The following PTPRD variants were observed in gnomAD, a reference collection of about 807,000 sequenced individuals.
PTPRD encodes receptor-type tyrosine-protein phosphatase delta.
PTPRD carries 34 observed loss-of-function variants against 214.5 expected under a neutral mutation model. That is an observed-to-expected ratio of 0.16 (90% CI 0.12 to 0.21). The LOEUF is 0.21. PTPRD is among the 10% of genes least tolerant of loss of function. The pLI is 1.00. For missense variants in PTPRD, 2,545 were observed against 2,398.7 expected (o/e 1.06, Z -1.27); for synonymous variants, 1,128 against 845.7 (o/e 1.33, Z -5.79).
At chr9:8,980,661 A>G (rs1309809073) in intron 11 of PTPRD, among the ~76,000 whole-genome samples, 2 of 152,108 alleles carry the variant, frequency 1.3e-5, no homozygotes, top group Non-Finnish European at 2.9e-5. Context: ...TCCATTAGAG[A>G]AATGACTCTG....
At chr9:8,820,210 GC>G (rs2097022643) in intron 11 of PTPRD, among the ~76,000 whole-genome samples, 1 of 151,986 alleles carries the variant, frequency 6.6e-6, no homozygotes, top group Non-Finnish European at 1.5e-5. Context: ...TAATACAGGT[GC>G]AATTCTGATG....
At chr9:9,413,176 G>A (rs945441183) in intron 8 of PTPRD, among the ~76,000 whole-genome samples, 2 of 132,154 alleles carry the variant, frequency 1.5e-5, no homozygotes, top group Non-Finnish European at 3.1e-5. Context: ...CTGCAGTGGC[G>A]CAATCTCGGC....
intron 6 of PTPRD, among the ~76,000 whole-genome samples, chr9:9,750,103 A>G (rs1186152944): frequency 6.6e-6 from 1 of 152,162 alleles, no homozygotes; most frequent in Non-Finnish European, 1.5e-5. Flanking sequence ...ACATTACACA[A>G]TTACTAATAC....
At chr9:8,322,453 G>C (rs1829343670) in intron 44 of PTPRD, among the ~76,000 whole-genome samples, 1 of 152,162 alleles carries the variant, frequency 6.6e-6, no homozygotes, top group Non-Finnish European at 1.5e-5. Context: ...TATGAAGAAA[G>C]TTTTAAAGGC....
chr9:9,880,365 A>T (rs573304970), intron 5 of PTPRD, among the ~76,000 whole-genome samples: 8 of 152,250 alleles, frequency 5.3e-5, no homozygotes, highest in African/African-American at 1.7e-4. Context: ...CCTAAAAGAT[A>T]ACTACGTGGT....
rs973606654 is a variant in PTPRD, at chr9:9,091,330, T to G, written c.-142-72595A>C. The G allele has an allele frequency of 4.8e-6, 4 of 832,042 alleles. No individual in the cohort carries two copies. In the Admixed American group the frequency reaches 7.6e-5, roughly 16 times the overall value. The allele number at this position is 832,042 out of a possible 1,614,324, so 51.5% of individuals were successfully genotyped here. A position where few individuals can be genotyped will look rare whatever the true frequency, so the allele number is the denominator to read the frequency against. ...TTGTACTTTAAAAAAAAAATTTCTT[T>G]AAATAGCTGCGTATTTTTCTGGAAC... On this transcript the variant is annotated intron_variant, in intron 10 of 45. Coordinates refer to ENST00000381196, the MANE Select transcript of PTPRD (RefSeq NM_002839.4).
At chr9:8,387,849 T>C (rs1352187216) in intron 37 of PTPRD, among the ~76,000 whole-genome samples, 1 of 152,206 alleles carries the variant, frequency 6.6e-6, no homozygotes, top group Non-Finnish European at 1.5e-5. Context: ...TGAACTATTA[T>C]ATCCAAGATC....
chr9:10,580,444 T>C (rs2071337557), intron 2 of PTPRD, among the ~76,000 whole-genome samples: 1 of 152,212 alleles, frequency 6.6e-6, no homozygotes, highest in Non-Finnish European at 1.5e-5. Context: ...TCAATGATGA[T>C]TTAAAACACT....
rs1052063523 is a variant in PTPRD, at chr9:8,768,123, G to A, written c.-103-34177C>T. On this transcript the variant is annotated intron_variant, in intron 11 of 45. Coordinates refer to ENST00000381196, the MANE Select transcript of PTPRD (RefSeq NM_002839.4). ...TTTAAAAGATATTAAGTGTGGGCGTGATAGCTCACATCTATAATACCAACA... is the reference window on the plus strand; with the variant it reads ...TTTAAAAGATATTAAGTGTGGGCGTAATAGCTCACATCTATAATACCAACA... Among the ~76,000 whole-genome samples the A allele has an allele frequency of 2.6e-5, 4 of 152,268 alleles. No individual in the cohort carries two copies. The South Asian group carries it at 8.3e-4, about 32-fold the overall frequency.
At chr9:8,419,685 G>A (rs1215166742) in intron 35 of PTPRD, among the ~76,000 whole-genome samples, 4 of 150,770 alleles carry the variant, frequency 2.7e-5, no homozygotes, top group African/African-American at 9.8e-5. Flanking sequence ...TCCAGCTAGG[G>A]GAATTTTGGA....
chr9:9,816,122 A>G (rs748520949), intron 5 of PTPRD, among the ~76,000 whole-genome samples: 6 of 152,152 alleles, frequency 3.9e-5, no homozygotes, highest in African/African-American at 9.7e-5. Flanking sequence ...ACCTTAAATT[A>G]TATGTAATTT....
At chr9:8,409,391 G>T (rs2093333308) in intron 35 of PTPRD, among the ~76,000 whole-genome samples, 1 of 152,098 alleles carries the variant, frequency 6.6e-6, no homozygotes, top group Non-Finnish European at 1.5e-5. Context: ...AAGATTCCTT[G>T]AAGGTTTCAC....
At chr9:9,537,823 G>A (rs908446136) in intron 8 of PTPRD, among the ~76,000 whole-genome samples, 3 of 151,792 alleles carry the variant, frequency 2.0e-5, no homozygotes, top group African/African-American at 4.8e-5. Context: ...TACCCTTTGT[G>A]TTCAGTCACT....
intron 10 of PTPRD, among the ~76,000 whole-genome samples, chr9:9,045,396 G>C (rs1452100244): frequency 6.6e-6 from 1 of 151,712 alleles, no homozygotes; most frequent in Non-Finnish European, 1.5e-5. Flanking sequence ...TCGTGAGCAT[G>C]TGGGAGGGTG....
chr9:8,811,806 G>A (rs2096811644), intron 11 of PTPRD, among the ~76,000 whole-genome samples: 1 of 152,120 alleles, frequency 6.6e-6, no homozygotes, highest in Non-Finnish European at 1.5e-5. Context: ...TTTCTTACAT[G>A]CAACCTAGAA....
intron 11 of PTPRD, among the ~76,000 whole-genome samples, chr9:8,980,374 A>C (rs1327533642): frequency 6.6e-5 from 10 of 152,050 alleles, no homozygotes; most frequent in African/African-American, 2.4e-4. Context: ...AAAAATAAGT[A>C]GATTTTAGCT....
intron 9 of PTPRD, among the ~76,000 whole-genome samples, chr9:9,390,602 T>A (rs79634310): frequency 5.1e-4 from 77 of 152,306 alleles, no homozygotes; most frequent in East Asian, 4.4e-3. Flanking sequence ...TTAGGACAGG[T>A]AAAAGAGGTA....
intron 3 of PTPRD, among the ~76,000 whole-genome samples, chr9:10,265,827 T>C (rs1161208365): frequency 6.6e-6 from 1 of 152,198 alleles, no homozygotes; most frequent in Admixed American, 6.5e-5. Context: ...GATACTTTGA[T>C]CAAGATGAGC....
At chr9:10,334,414 A>G (rs989560108) in intron 3 of PTPRD, among the ~76,000 whole-genome samples, 4 of 151,446 alleles carry the variant, frequency 2.6e-5, no homozygotes, top group African/African-American at 9.7e-5. Flanking sequence ...TTGGTAAAAA[A>G]TATCTATCCC....
Sources: gnomAD v4.1 joint callset for allele counts (sites outside exome capture counted in the v4.1 genomes callset) on GRCh38, gnomAD v4.1.1 for gene constraint, MANE v1.5 for transcripts, NCBI Gene and HGNC (gene_info 2026-07-23, HGNC 2026-07-21) for gene names.